CDKAL1: variants seen among roughly 807,000 people sequenced by gnomAD.
The protein encoded by CDKAL1 is threonylcarbamoyladenosine tRNA methylthiotransferase.
CDKAL1 carries 32 observed loss-of-function variants against 68.2 expected under a neutral mutation model. The observed-to-expected ratio is 0.47, with a 90% confidence interval of 0.35 to 0.63. The LOEUF (loss-of-function observed/expected upper bound fraction) is 0.63. CDKAL1 is among the 30% of genes least tolerant of loss of function. CDKAL1 has a pLI of 0.00. For synonymous variants in CDKAL1, 234 were observed against 244.3 expected (o/e 0.96, Z 0.39); for missense variants, 606 against 696.7 (o/e 0.87, Z 1.47).
intron 5 of CDKAL1, chr6:20,723,715 A>G (rs1226023552): frequency 6.6e-6 from 1 of 152,380 alleles, no homozygotes. Flanking sequence ...GTCCTAAAAT[A>G]CTGTTAGTCT....
At chr6:21,184,603 A>G (rs1249054505) in intron 13 of CDKAL1, among the ~76,000 whole-genome samples, 1 of 152,170 alleles carries the variant, frequency 6.6e-6, no homozygotes, top group Non-Finnish European at 1.5e-5. Flanking sequence ...AAAGTATCAT[A>G]GCATTAAAAT....
chr6:20,881,905 A>G (rs1301903145), intron 9 of CDKAL1, among the ~76,000 whole-genome samples: 4 of 152,136 alleles, frequency 2.6e-5, no homozygotes, highest in Admixed American at 1.3e-4. Flanking sequence ...CCACGTACCA[A>G]AATTTTCTCC....
chr6:20,901,681 GAA>G (rs77788195), intron 9 of CDKAL1, among the ~76,000 whole-genome samples: 52 of 86,338 alleles, frequency 6.0e-4, no homozygotes, highest in South Asian at 1.6e-3. Flanking sequence ...ACTCCATCTG[GAA>G]AAAAAAAAAA....
chr6:20,794,200 T>G (rs987970313), intron 8 of CDKAL1, among the ~76,000 whole-genome samples: 1 of 152,130 alleles, frequency 6.6e-6, no homozygotes, highest in Non-Finnish European at 1.5e-5. Flanking sequence ...CACTTTTGAC[T>G]TTTATGTAAG....
At chr6:21,195,333 T>A (rs1778418581) in intron 13 of CDKAL1, among the ~76,000 whole-genome samples, 1 of 151,420 alleles carries the variant, frequency 6.6e-6, no homozygotes. Flanking sequence ...TGGCTAACTT[T>A]TGTATTTTTA....
chr6:20,893,843 G>A (rs950643153), intron 9 of CDKAL1, among the ~76,000 whole-genome samples: 8 of 152,148 alleles, frequency 5.3e-5, no homozygotes, highest in Admixed American at 3.9e-4. Flanking sequence ...AAGAACTCAC[G>A]ATACTGATGA....
At chr6:20,813,958 A>G (rs1428585963) in intron 8 of CDKAL1, among the ~76,000 whole-genome samples, 1 of 152,014 alleles carries the variant, frequency 6.6e-6, no homozygotes, top group Admixed American at 6.6e-5. Context: ...TTTTTACAAA[A>G]AAATGCCTCT....
intron 7 of CDKAL1, among the ~76,000 whole-genome samples, chr6:20,774,060 A>C (rs1173171841): frequency 6.6e-6 from 1 of 152,158 alleles, no homozygotes; most frequent in Non-Finnish European, 1.5e-5. Flanking sequence ...TAAAAAATAA[A>C]ACCAACAAGC....
At chr6:21,108,351 A>G (rs748199356) in intron 12 of CDKAL1, 50 bp from the exon 13 acceptor site, 2 of 1,277,600 alleles carry the variant, frequency 1.6e-6, no homozygotes, top group Non-Finnish European at 2.3e-6. Flanking sequence ...TCTGCTGTCA[A>G]CTCAATTGTT....
chr6:20,910,780 T>C (rs917820983), intron 9 of CDKAL1, among the ~76,000 whole-genome samples: 1 of 152,258 alleles, frequency 6.6e-6, no homozygotes, highest in African/African-American at 2.4e-5. Flanking sequence ...GGGTAGGCTC[T>C]AATACAATCT....
In CDKAL1 at chr6:20,919,535, C is replaced by A. The variant is rs138756918; in HGVS notation, c.743-35884C>A. ...TCCTAATGCTATCCCTCCCCTAGCC[C>A]CCCACTCCCACTTACGAGTAAGAAT... On this transcript the variant is annotated intron_variant, in intron 9 of 15. Coordinates refer to ENST00000274695, the MANE Select transcript of CDKAL1 (RefSeq NM_017774.3). 1.1e-3 allele frequency among the ~76,000 whole-genome samples: 169 copies of A among 152,214 alleles called. 2 individuals are homozygous for A. Among genetic ancestry groups the A allele is most frequent in the African/African-American group, 3.8e-3 (159 of 41,528 alleles).
rs1312791362 is a variant in CDKAL1 at position 20,977,592 on chromosome 6, G to A, written c.909+22007G>A. Among the ~76,000 whole-genome samples the A allele has an allele frequency of 3.3e-5, 5 of 152,040 alleles. No homozygotes were observed. The East Asian group carries it at 9.6e-4, about 29-fold the overall frequency. Reference sequence around the variant, plus strand: ...GATTTTTAAAAAATAATTTATATAGGCTGGGCATGGTGCTTCATGCCTGTC... The same window carrying A: ...GATTTTTAAAAAATAATTTATATAGACTGGGCATGGTGCTTCATGCCTGTC... On this transcript the variant is annotated intron_variant, in intron 10 of 15. Coordinates refer to ENST00000274695, the MANE Select transcript of CDKAL1 (RefSeq NM_017774.3).
At chr6:21,126,640 T>C (rs933327182) in intron 13 of CDKAL1, among the ~76,000 whole-genome samples, 2 of 152,174 alleles carry the variant, frequency 1.3e-5, no homozygotes, top group Non-Finnish European at 2.9e-5. Context: ...CTATTTGTAT[T>C]GCTCAAATTG....
At chr6:20,586,978 GTTTTTT>G (rs750210435) in intron 4 of CDKAL1, among the ~76,000 whole-genome samples, 3 of 44,452 alleles carry the variant, frequency 6.7e-5, no homozygotes, top group African/African-American at 2.9e-4. Context: ...TCCTCCAGGT[GTTTTTT>G]TTTTTTTTTT....
At chr6:20,679,415 A>G (rs1371594201) in intron 5 of CDKAL1, among the ~76,000 whole-genome samples, 2 of 152,348 alleles carry the variant, frequency 1.3e-5, no homozygotes, top group East Asian at 1.9e-4. Flanking sequence ...GCTACAATGC[A>G]TAGCATTTGT....
At chr6:20,891,458 G>C (rs1761391588) in intron 9 of CDKAL1, among the ~76,000 whole-genome samples, 1 of 152,102 alleles carries the variant, frequency 6.6e-6, no homozygotes, top group Non-Finnish European at 1.5e-5. Flanking sequence ...ACGCCGGGTG[G>C]CCTGTCAGTC....
In CDKAL1 at chr6:21,230,930, G is replaced by A. The variant is rs1471329075; in HGVS notation, c.1631G>A (p.Arg544Lys). 9 of 1,614,174 alleles carry A rather than the reference G, an allele frequency of 5.6e-6. No individual in the cohort carries two copies. Among genetic ancestry groups the A allele is most frequent in the Non-Finnish European group, 7.6e-6 (9 of 1,180,008 alleles). Residue 544 changes from arginine (R) to lysine (K), a missense_variant, in exon 16 of 16, where the codon AGA becomes AAA. By Grantham distance (26) the Arg-to-Lys change is conservative. Transcript: ENST00000274695. ...TCTCAGTGTGACTCAGCGAGTTCCA[G>A]AATGGTGCTGCCCATGCCAAGGCTA... The part of the protein sequence containing the change: ...AASQCDSASS[R>K]MVLPMPRLHQ...
intron 8 of CDKAL1, among the ~76,000 whole-genome samples, chr6:20,788,995 C>A (rs958277504): frequency 2.6e-5 from 4 of 152,144 alleles, no homozygotes; most frequent in African/African-American, 9.7e-5. Context: ...TTCTTAAATG[C>A]AGAAAAAATT....
At chr6:20,640,239 C>T (rs192207796) in intron 4 of CDKAL1, among the ~76,000 whole-genome samples, 1 of 152,160 alleles carries the variant, frequency 6.6e-6, no homozygotes. Context: ...TTTGTTCTTA[C>T]TGAATTTTTA....
Sources: allele counts gnomAD v4.1 joint callset (sites outside exome capture counted in the v4.1 genomes callset), GRCh38; gene constraint gnomAD v4.1.1; transcripts MANE v1.5; gene names NCBI Gene and HGNC (gene_info 2026-07-23, HGNC 2026-07-21).